The following AP2B1 variants were observed in gnomAD, a reference collection of about 807,000 sequenced individuals.
AP2B1 encodes adaptor related protein complex 2 subunit beta 1, also known as AP-2 complex subunit beta.
AP2B1 carries 23 observed loss-of-function variants against 102.0 expected under a neutral mutation model. The ratio of observed to expected loss-of-function variants is 0.23; its 90% CI spans 0.16 to 0.32. The LOEUF (loss-of-function observed/expected upper bound fraction) is 0.32. Ranked by LOEUF, AP2B1 falls within the 10% of genes least tolerant of loss-of-function variation. AP2B1 has a pLI of 1.00. For missense variants in AP2B1, 541 were observed against 1,157.4 expected (o/e 0.47, Z 7.73); for synonymous variants, 381 against 421.2 (o/e 0.90, Z 1.17).
intron 16 of AP2B1, among the ~76,000 whole-genome samples, chr17:35,673,610 C>T (rs1244529640): frequency 6.6e-6 from 1 of 152,038 alleles, no homozygotes; most frequent in Admixed American, 6.6e-5. Flanking sequence ...ATTATATGAG[C>T]AATATCTGAG....
At chr17:35,702,452 C>G (rs1468639343) in intron 18 of AP2B1, among the ~76,000 whole-genome samples, 1 of 152,194 alleles carries the variant, frequency 6.6e-6, no homozygotes, top group Non-Finnish European at 1.5e-5. Flanking sequence ...CAACAGGCTC[C>G]TGCAGCTGGA....
At position 35,657,717 on chromosome 17, in the gene AP2B1, C is replaced by G. The variant is rs1457297243; in HGVS notation, c.1915C>G (p.Pro639Ala). The G allele has an allele frequency of 1.2e-6, 2 of 1,614,170 alleles. No homozygotes were observed. Among genetic ancestry groups the G allele is most frequent in the Non-Finnish European group, 1.7e-6 (2 of 1,180,030 alleles). ...GDLLNLDLGPPVNVPQVSSMQ... is the reference protein window; with the variant it reads ...GDLLNLDLGPAVNVPQVSSMQ... ...TCTTTTAAACCTTGACCTCGGTCCC[C>G]CAGTCAATGTGCCACAGGTGTCCTC... The change falls in exon 14 of 22, where the codon CCA (proline) becomes GCA (alanine). Residue 639 changes from proline (P) to alanine (A), a missense_variant. Around this residue, in one of 10 missense-constraint regions of AP2B1, gnomAD observed 27 missense variants for 84.1 expected, o/e 0.32. Transcript: ENST00000610402.
At chr17:35,694,453 G>A (rs587668798) in intron 18 of AP2B1, among the ~76,000 whole-genome samples, 236 of 145,388 alleles carry the variant, frequency 1.6e-3, no homozygotes, top group Non-Finnish European at 2.7e-3. Flanking sequence ...TAGAGTTGAG[G>A]TCTGGCTATG....
intron 20 of AP2B1, among the ~76,000 whole-genome samples, chr17:35,711,956 C>T (rs1555587757): frequency 6.6e-6 from 1 of 152,126 alleles, no homozygotes; most frequent in Non-Finnish European, 1.5e-5. Flanking sequence ...CTCCTGGAAC[C>T]CTCAGAATAA....
rs144509933 is a variant in AP2B1 at position 35,702,460 on chromosome 17, G to C, written c.2455-6764G>C. Reference sequence around the variant, plus strand: ...GAAGGAACAACAGGCTCCTGCAGCTGGATTAGAGCTAGCAAGGAGGAGAGT... The same window carrying C: ...GAAGGAACAACAGGCTCCTGCAGCTCGATTAGAGCTAGCAAGGAGGAGAGT... On this transcript the variant is annotated intron_variant, in intron 18 of 21. Transcript: ENST00000610402. 6.4e-3 allele frequency among the ~76,000 whole-genome samples: 974 copies of C among 152,248 alleles called. 9 individuals are homozygous for C. Among genetic ancestry groups the C allele is most frequent in the African/African-American group, 0.022 (927 of 41,546 alleles).
At chr17:35,657,390 T>C (rs1056048815) in intron 13 of AP2B1, among the ~76,000 whole-genome samples, 6 of 151,070 alleles carry the variant, frequency 4.0e-5, no homozygotes, top group Non-Finnish European at 8.8e-5. Flanking sequence ...TAATATAATT[T>C]ATTTTCATTT....
At chr17:35,588,026 G>C (rs75671754) in intron 1 of AP2B1, 3,657 of 151,448 alleles carry the variant, frequency 0.024, 134 homozygotes, top group East Asian at 0.19. Flanking sequence ...CCCGATGTAA[G>C]AGAGGGGGAA....
At chr17:35,692,625 T>C (rs991918786) in intron 18 of AP2B1, among the ~76,000 whole-genome samples, 7 of 152,180 alleles carry the variant, frequency 4.6e-5, no homozygotes, top group African/African-American at 1.7e-4. Context: ...TTTACTCTCT[T>C]ATATTTTGCT....
intron 2 of AP2B1, among the ~76,000 whole-genome samples, chr17:35,597,718 T>G (rs2073339523): frequency 6.6e-6 from 1 of 152,220 alleles, no homozygotes; most frequent in Non-Finnish European, 1.5e-5. Context: ...AATATTAGTG[T>G]GTGGCCAGGG....
At chr17:35,667,087 CCTT>C (rs2075483904) in intron 14 of AP2B1, among the ~76,000 whole-genome samples, 1 of 152,152 alleles carries the variant, frequency 6.6e-6, no homozygotes. Flanking sequence ...ATGAGTATCT[CCTT>C]CCTCCTGTTT....
intron 9 of AP2B1, among the ~76,000 whole-genome samples, chr17:35,633,344 C>A (rs1250416055): frequency 7.4e-6 from 1 of 134,998 alleles, no homozygotes; most frequent in Non-Finnish European, 1.6e-5. Context: ...GGTCACAGAG[C>A]GAGACTGTGT....
intron 1 of AP2B1, among the ~76,000 whole-genome samples, chr17:35,591,034 C>T (rs550403519): frequency 2.6e-5 from 4 of 151,926 alleles, no homozygotes; most frequent in African/African-American, 9.7e-5. Context: ...ATTAGCTGGG[C>T]GTGGTAGTGG....
chr17:35,669,437 C>T (rs562135293), intron 14 of AP2B1, among the ~76,000 whole-genome samples: 1 of 152,158 alleles, frequency 6.6e-6, no homozygotes, highest in Non-Finnish European at 1.5e-5. Context: ...CCACCACGCC[C>T]AGCCAAGGAT....
chr17:35,702,066 A>C (rs747860374), intron 18 of AP2B1, among the ~76,000 whole-genome samples: 1 of 152,262 alleles, frequency 6.6e-6, no homozygotes, highest in Non-Finnish European at 1.5e-5. Flanking sequence ...GACAAATAGA[A>C]GACAGGAATT....
intron 18 of AP2B1, among the ~76,000 whole-genome samples, chr17:35,690,701 T>C (rs2076023894): frequency 6.6e-6 from 1 of 152,218 alleles, no homozygotes; most frequent in African/African-American, 2.4e-5. Flanking sequence ...TCTGTGGTGG[T>C]ATTGCTAATC....
Position 35,723,609 on chromosome 17 carries a change from CT to C in AP2B1, c.2782-11del. 4.4e-6 allele frequency: 7 copies of C among 1,586,924 alleles called. No homozygotes were observed. Among genetic ancestry groups the C allele is most frequent in the South Asian group, 1.1e-5 (1 of 90,476 alleles). On this transcript the variant is annotated splice_polypyrimidine_tract_variant and intron_variant, in intron 21 of 21. Coordinates refer to ENST00000610402, the MANE Select transcript of AP2B1 (RefSeq NM_001030006.2). ...AACCTCTGTGCTAATCTTCCATCTC[CT>C]TTTTCTCCTAACAGCTGTCACTGAA...
At chr17:35,623,385 A>AG in intron 5 of AP2B1, among the ~76,000 whole-genome samples, 1 of 152,004 alleles carries the variant, frequency 6.6e-6, no homozygotes, top group African/African-American at 2.4e-5. Flanking sequence ...CCAACATGGC[A>AG]AAACCCCATT....
At chr17:35,627,332 G>T (rs1174479458) in intron 7 of AP2B1, 53 bp from the exon 8 acceptor site, 1 of 1,536,332 alleles carries the variant, frequency 6.5e-7, no homozygotes, top group Non-Finnish European at 8.8e-7. Flanking sequence ...GTCTCAGAAG[G>T]GTATATCAGT....
chr17:35,627,588 A>G (rs1357739663), intron 8 of AP2B1, 43 bp from the exon 9 acceptor site: 6 of 1,612,780 alleles, frequency 3.7e-6, no homozygotes, highest in Non-Finnish European at 5.1e-6. Context: ...TGAGATTGCT[A>G]TTTGAGAATC....
Sources: gnomAD v4.1 joint callset for allele counts (sites outside exome capture counted in the v4.1 genomes callset) on GRCh38, gnomAD v4.1.1 for gene constraint, gnomAD v4.1.1 regional missense constraint, MANE v1.5 for transcripts, NCBI Gene and HGNC (gene_info 2026-07-23, HGNC 2026-07-21) for gene names.